The following SNX11 variants were observed in gnomAD, a reference collection of about 807,000 sequenced individuals.
SNX11 encodes sorting nexin-11.
Under a neutral mutation model 30.7 loss-of-function variants are expected in SNX11, and 19 were observed. That is an observed-to-expected ratio of 0.62 (90% CI 0.43 to 0.91). The LOEUF (loss-of-function observed/expected upper bound fraction) is 0.91. Among genes scored for constraint, SNX11 ranks in the 40% least tolerant of loss-of-function variants. The pLI is 0.00. For synonymous variants in SNX11, 112 were observed against 119.0 expected (o/e 0.94, Z 0.38); for missense variants, 302 against 326.7 (o/e 0.92, Z 0.58).
At chr17:48,113,104 G>T (rs936267832) in intron 3 of SNX11, among the ~76,000 whole-genome samples, 197 bp from the exon 4 acceptor site, 1 of 152,080 alleles carries the variant, frequency 6.6e-6, no homozygotes, top group Non-Finnish European at 1.5e-5. Flanking sequence ...AAGGGAGGGA[G>T]GAAAGGAAAG....
At chr17:48,114,168 C>CTT (rs34702745) in intron 4 of SNX11, among the ~76,000 whole-genome samples, 3 of 126,252 alleles carry the variant, frequency 2.4e-5, no homozygotes, top group East Asian at 4.6e-4. Flanking sequence ...GAAATATGTT[C>CTT]TTTTTTTTTT....
chr17:48,123,218 A>C lies in SNX11; in HGVS notation c.*1710A>C, dbSNP rs1567782582. On this transcript the variant is annotated 3_prime_UTR_variant, in exon 7 of 7. Transcript: ENST00000359238. ...GAAGTTCATTTAAAAGGGGAAAAAA[A>C]CTCCATGTGCAACCCTCACAAAAAC... 6.6e-6 allele frequency: 1 copy of C among 152,082 alleles called. No individual in the cohort carries two copies. The highest frequency in any genetic ancestry group is 2.4e-5 in the African/African-American group (1 of 41,390). The allele number at this position is 152,082 out of a possible 1,614,324, so 9.4% of individuals were successfully genotyped here. A position where few individuals can be genotyped will look rare whatever the true frequency, so the allele number is the denominator to read the frequency against.
At chr17:48,118,613 C>A (rs1366067870) in intron 4 of SNX11, 91 bp from the exon 5 acceptor site, 8 of 866,160 alleles carry the variant, frequency 9.2e-6, no homozygotes, top group Admixed American at 2.2e-5. Flanking sequence ...ATTGATTAGA[C>A]CTCTTTTTAA....
At chr17:48,112,377 T>C in intron 2 of SNX11, 197 bp from the exon 3 acceptor site, 1 of 649,242 alleles carries the variant, frequency 1.5e-6, no homozygotes, top group Non-Finnish European at 2.8e-6. Context: ...CCTATAACAG[T>C]GTCTGACACG....
In SNX11 at chr17:48,122,076, G is replaced by A. The variant is rs1458146515; in HGVS notation, c.*568G>A. The A allele has an allele frequency of 1.9e-5, 3 of 155,020 alleles. No individual in the cohort carries two copies. Among genetic ancestry groups the A allele is most frequent in the Non-Finnish European group, 4.3e-5 (3 of 69,020 alleles). 9.6% of individuals were successfully genotyped at this position (155,020 alleles called of 1,614,324 possible). On this transcript the variant is annotated 3_prime_UTR_variant, in exon 7 of 7. Transcript: ENST00000359238. ...GAATGGAACTGGTGCTGTGACTCCT[G>A]CTGCTGGGGATTTATGTCCCGAGAC...
Position 48,123,075 on chromosome 17 carries a change from G to A in SNX11, c.*1567G>A, listed in dbSNP as rs1382314761. 1.3e-5 allele frequency: 2 copies of A among 152,264 alleles called. No individual in the cohort carries two copies. Among genetic ancestry groups the A allele is most frequent in the South Asian group, 2.1e-4 (1 of 4,834 alleles). The allele number at this position is 152,264 out of a possible 1,614,324, so 9.4% of individuals were successfully genotyped here. A position where few individuals can be genotyped will look rare whatever the true frequency, so the allele number is the denominator to read the frequency against. On this transcript the variant is annotated 3_prime_UTR_variant, in exon 7 of 7. Transcript: ENST00000359238. ...AAGTTTGTCAACAGGCAGATGCAAA[G>A]CCCTGGCTGGTATTCATCCCTCTTT...
Position 48,121,645 on chromosome 17 carries a change from CAGAG to C in SNX11, c.*138_*141del. 1 of 862,168 alleles carries C rather than the reference CAGAG, an allele frequency of 1.2e-6. No individual in the cohort carries two copies. The highest frequency in any genetic ancestry group is 1.8e-6 in the Non-Finnish European group (1 of 553,974). 53.4% of individuals were successfully genotyped at this position (862,168 alleles called of 1,614,324 possible). On this transcript the variant is annotated 3_prime_UTR_variant, in exon 7 of 7. Coordinates refer to ENST00000359238, the MANE Select transcript of SNX11 (RefSeq NM_013323.3). ...AGTCACCTCTGCTTGGGCTGATTGA[CAGAG>C]GTCAGTCATTACAGCCCCTTATGCC...
intron 6 of SNX11, among the ~76,000 whole-genome samples, chr17:48,119,877 C>T (rs2063581154): frequency 6.6e-6 from 1 of 152,230 alleles, no homozygotes; most frequent in East Asian, 1.9e-4. Context: ...TTTTCATCAC[C>T]CCGAAAGAAA....
At chr17:48,116,005 C>T (rs1461351120) in intron 4 of SNX11, among the ~76,000 whole-genome samples, 2 of 150,342 alleles carry the variant, frequency 1.3e-5, no homozygotes, top group African/African-American at 4.9e-5. Context: ...CGGTGGCTCA[C>T]GCCCAGCACT....
At chr17:48,111,369 A>G (rs1598329614) in intron 1 of SNX11, among the ~76,000 whole-genome samples, 1 of 152,054 alleles carries the variant, frequency 6.6e-6, no homozygotes, top group Non-Finnish European at 1.5e-5. Context: ...GTGATCTGGC[A>G]GGGCGTGGTG....
intron 4 of SNX11, among the ~76,000 whole-genome samples, chr17:48,115,057 CT>C (rs1285593826): frequency 6.9e-6 from 1 of 145,258 alleles, no homozygotes; most frequent in Admixed American, 6.9e-5. Flanking sequence ...CATGCTCCGC[CT>C]TTTTTCTTTT....
In SNX11 at chr17:48,118,731, A is replaced by T. The variant is rs773144670; in HGVS notation, c.258A>T (p.Ser86=). ...CTGTTCCTGAACTTCCTGGGAAGTC[A>T]ACCTTCTTCGGCACCTCAGATGAGT... ...LVPVPELPGK[S]TFFGTSDEFI... The change falls in exon 5 of 7, where the codon TCA becomes TCT. Residue 86 remains serine, a synonymous_variant. Transcript: ENST00000359238. 3 of 1,614,138 alleles carry T rather than the reference A, an allele frequency of 1.9e-6. No individual in the cohort carries two copies. Among genetic ancestry groups the T allele is most frequent in the East Asian group, 2.2e-5 (1 of 44,880 alleles).
chr17:48,108,989 G>A (rs1332139725), intron 1 of SNX11, among the ~76,000 whole-genome samples: 1 of 152,220 alleles, frequency 6.6e-6, no homozygotes. Context: ...CTGGAGTGCA[G>A]TGGTGTGATC....
chr17:48,118,309 G>T (rs1040931214), intron 4 of SNX11, among the ~76,000 whole-genome samples: 2 of 152,012 alleles, frequency 1.3e-5, no homozygotes, highest in African/African-American at 4.8e-5. Context: ...GGCCAGGCAC[G>T]GTGGCTCATG....
chr17:48,112,910 AT>A (rs1196747658), intron 3 of SNX11: 4 of 274,456 alleles, frequency 1.5e-5, no homozygotes, highest in African/African-American at 4.5e-5. Flanking sequence ...TTGAATATAT[AT>A]TTTTTTAGTA....
chr17:48,119,152 T>C lies in SNX11; in HGVS notation c.505T>C (p.Ser169Pro). 6.2e-7 allele frequency: 1 copy of C among 1,614,002 alleles called. No individual in the cohort carries two copies. Among genetic ancestry groups the C allele is most frequent in the South Asian group, 1.1e-5 (1 of 91,074 alleles). Residue 169 changes from serine to proline, a missense_variant, in exon 6 of 7, where the codon TCT becomes CCT. Transcript: ENST00000359238. Reference sequence around the variant, plus strand: ...CTGGGCCCAGGAAGAGAGGCAGAGCTCTTCTCACCTGGCTAAAGGAGACCA... The same window carrying C: ...CTGGGCCCAGGAAGAGAGGCAGAGCCCTTCTCACCTGGCTAAAGGAGACCA... ...CGWAQEERQS[S>P]SHLAKGDQPK...
At chr17:48,115,899 C>T (rs2063540596) in intron 4 of SNX11, among the ~76,000 whole-genome samples, 1 of 150,630 alleles carries the variant, frequency 6.6e-6, no homozygotes. Context: ...CCTATATCCT[C>T]CAGCCTGGCC....
At position 48,111,139 on chromosome 17, in the gene SNX11, A is replaced by C. The variant is rs536081238; in HGVS notation, c.-13-892A>C. The C allele has an allele frequency of 1.1e-5, 11 of 985,356 alleles. No homozygotes were observed. In the African/African-American group the frequency reaches 1.7e-4, roughly 16 times the overall value. 61.0% of individuals were successfully genotyped at this position (985,356 alleles called of 1,614,324 possible). ...TGTCAGGAGAGGAAGTAATTAGAACAATTGGCTCGGGTTCCAGAGTATGGA... is the reference window on the plus strand; with the variant it reads ...TGTCAGGAGAGGAAGTAATTAGAACCATTGGCTCGGGTTCCAGAGTATGGA... On this transcript the variant is annotated intron_variant, in intron 1 of 6. Transcript: ENST00000359238.
intron 4 of SNX11, among the ~76,000 whole-genome samples, chr17:48,118,317 A>C (rs1276682157): frequency 6.6e-6 from 1 of 152,118 alleles, no homozygotes; most frequent in Admixed American, 6.5e-5. Context: ...ACGGTGGCTC[A>C]TGCCTGTAAT....
Sources: gnomAD v4.1 joint callset for allele counts (sites outside exome capture counted in the v4.1 genomes callset) on GRCh38, gnomAD v4.1.1 for gene constraint, MANE v1.5 for transcripts, NCBI Gene and HGNC (gene_info 2026-07-23, HGNC 2026-07-21) for gene names.